The following SHCBP1L variants were observed in gnomAD, a reference collection of about 807,000 sequenced individuals.
The protein encoded by SHCBP1L is testicular spindle-associated protein SHCBP1L.
Under a neutral mutation model 62.5 loss-of-function variants are expected in SHCBP1L, and 67 were observed. The observed-to-expected ratio is 1.07, with a 90% confidence interval of 0.88 to 1.31. The LOEUF (loss-of-function observed/expected upper bound fraction) is 1.31, where lower values mean the gene tolerates loss of function less well. SHCBP1L is among the 40% of genes most tolerant of loss of function. The probability of loss-of-function intolerance (pLI) is 0.00; values close to 1 mark genes in which losing one functional copy is unlikely to be tolerated. For missense variants in SHCBP1L, 823 were observed against 809.8 expected (o/e 1.02, Z -0.20); for synonymous variants, 284 against 289.4 (o/e 0.98, Z 0.19).
intron 2 of SHCBP1L, among the ~76,000 whole-genome samples, chr1:182,949,227 A>G (rs1651668823): frequency 6.6e-6 from 1 of 152,060 alleles, no homozygotes; most frequent in African/African-American, 2.4e-5. Flanking sequence ...TTCTGCTTTA[A>G]TGTTAAGCTT....
intron 6 of SHCBP1L, among the ~76,000 whole-genome samples, chr1:182,913,717 C>T (rs1650264719): frequency 6.6e-6 from 1 of 152,156 alleles, no homozygotes; most frequent in Non-Finnish European, 1.5e-5. Flanking sequence ...CACAGTGGCT[C>T]ACACCTGTAA....
intron 2 of SHCBP1L, among the ~76,000 whole-genome samples, chr1:182,941,332 A>G (rs931590932): frequency 6.6e-6 from 1 of 151,202 alleles, no homozygotes; most frequent in Non-Finnish European, 1.5e-5. Flanking sequence ...TTTATTGGTT[A>G]AGGATCAGTT....
chr1:182,946,410 T>A (rs1651566729), intron 2 of SHCBP1L, among the ~76,000 whole-genome samples: 2 of 152,108 alleles, frequency 1.3e-5, no homozygotes, highest in Non-Finnish European at 2.9e-5. Context: ...TTAAGTCTTT[T>A]TTTTTTTTTA....
intron 5 of SHCBP1L, among the ~76,000 whole-genome samples, chr1:182,933,494 C>A (rs1281334170): frequency 6.6e-6 from 1 of 152,130 alleles, no homozygotes; most frequent in Non-Finnish European, 1.5e-5. Context: ...TAGCCTTAAA[C>A]AGGTTGAGGA....
chr1:182,908,907 A>G (rs992256236), intron 6 of SHCBP1L, among the ~76,000 whole-genome samples: 2 of 152,210 alleles, frequency 1.3e-5, no homozygotes, highest in Non-Finnish European at 2.9e-5. Context: ...AATATTTGCC[A>G]TTTTAACGGA....
chr1:182,953,101 C>T lies in SHCBP1L; in HGVS notation c.33G>A (p.Ala11=), dbSNP rs995422152. Residue 11 remains alanine (A), a synonymous_variant, in exon 1 of 10, where the codon GCG becomes GCA. Coordinates refer to ENST00000367547, the MANE Select transcript of SHCBP1L (RefSeq NM_030933.4). ...CCGGGCTGATGGTGCGGAATGAGTC[C>T]GCGGGCACCGAGGCCTTGGAGCCCG... MASGSKASVP[A]DSFRTISPDR... The T allele has an allele frequency of 3.2e-6, 5 of 1,572,042 alleles. No individual in the cohort carries two copies. Among genetic ancestry groups the T allele is most frequent in the East Asian group, 4.6e-5 (2 of 43,548 alleles).
chr1:182,940,282 C>G (rs779108390), intron 3 of SHCBP1L, 47 bp downstream of exon 3: 2 of 1,516,318 alleles, frequency 1.3e-6, no homozygotes, highest in South Asian at 2.4e-5. Flanking sequence ...TTCACATTAA[C>G]TTTTGGATAT....
intron 6 of SHCBP1L, among the ~76,000 whole-genome samples, chr1:182,908,180 C>T (rs1229122755): frequency 7.2e-6 from 1 of 139,452 alleles, no homozygotes; most frequent in Admixed American, 7.9e-5. Context: ...TATGGGGGTG[C>T]ATGTGCAGGG....
At chr1:182,912,805 G>A (rs1650231391) in intron 6 of SHCBP1L, among the ~76,000 whole-genome samples, 1 of 151,640 alleles carries the variant, frequency 6.6e-6, no homozygotes, top group Non-Finnish European at 1.5e-5. Flanking sequence ...TTACAGGCAT[G>A]AGCCACTGTG....
At position 182,936,135 on chromosome 1, in the gene SHCBP1L, T is replaced by G. The variant is rs1295235229; in HGVS notation, c.1076+3041A>C. On this transcript the variant is annotated intron_variant, in intron 5 of 9. Transcript: ENST00000367547. ...TGGTTGCTTTTTTGTTTTTTGTTTT[T>G]TTTTTTTTTTTTTTTTTTGAGACAG... Among the ~76,000 whole-genome samples the G allele has an allele frequency of 4.7e-3, 652 of 138,420 alleles. 6 individuals carry two copies. The highest frequency in any genetic ancestry group is 6.5e-3 in the Non-Finnish European group (414 of 63,972). The allele number at this position is 138,420 out of a possible 152,430, so 90.8% of individuals were successfully genotyped here.
At chr1:182,922,309 C>T (rs1458406173) in intron 6 of SHCBP1L, among the ~76,000 whole-genome samples, 1 of 152,086 alleles carries the variant, frequency 6.6e-6, no homozygotes, top group East Asian at 1.9e-4. Context: ...TAACAGACAT[C>T]TACAGATCGC....
Position 182,939,179 on chromosome 1 carries a change from A to G in SHCBP1L, c.1073T>C (p.Leu358Pro), listed in dbSNP as rs1261391291. The G allele has an allele frequency of 1.9e-6, 3 of 1,604,154 alleles. No homozygotes were observed. In the Admixed American group the frequency reaches 5.2e-5, roughly 28 times the overall value. The stretch of plus-strand genomic sequence containing the variant: ...TTGAAATAGAGCAAATTATTACCGG[A>G]GGCGTAAATCTTCCCACATTTTCAG... ...GLLKMWEDLR[L>P]RVHGPFFPRI... The change falls in exon 5 of 10, where the codon CTC (leucine) becomes CCC (proline). Residue 358 changes from leucine to proline, a missense_variant. By Grantham distance (98) the Leu-to-Pro change is moderately conservative. Transcript: ENST00000367547.
intron 5 of SHCBP1L, among the ~76,000 whole-genome samples, chr1:182,934,609 A>G (rs1005770494): frequency 6.6e-6 from 1 of 152,066 alleles, no homozygotes; most frequent in Admixed American, 6.6e-5. Flanking sequence ...TTATGCAAAT[A>G]TTTTCTCCTA....
chr1:182,943,741 C>T (rs1651456307), intron 2 of SHCBP1L, among the ~76,000 whole-genome samples: 1 of 151,890 alleles, frequency 6.6e-6, no homozygotes. Context: ...AGCCACTGCA[C>T]CTGGCCTGGC....
Position 182,939,505 on chromosome 1 carries a change from A to C in SHCBP1L, c.819T>G (p.Cys273Trp), listed in dbSNP as rs1306011471. The change falls in exon 4 of 10, where the codon TGT becomes TGG. Residue 273 changes from cysteine to tryptophan, a missense_variant. Transcript: ENST00000367547. ...LWRDWDDEESCENYTALIEER... is the reference protein window; with the variant it reads ...LWRDWDDEESWENYTALIEER... ...CTTCAATAAGTGCAGTATAATTCTC[A>C]CAACTTTCTTCATCATCCCAGTCTC... 1 of 1,609,166 alleles carries C rather than the reference A, an allele frequency of 6.2e-7. No homozygotes were observed. The highest frequency in any genetic ancestry group is 8.5e-7 in the Non-Finnish European group (1 of 1,177,918).
chr1:182,940,622 C>T, intron 2 of SHCBP1L, 79 bp from the exon 3 acceptor site: 3 of 1,179,700 alleles, frequency 2.5e-6, no homozygotes, highest in Non-Finnish European at 3.5e-6. Context: ...CATATATGAG[C>T]TCATTATAAA....
At position 182,900,050 on chromosome 1, in the gene SHCBP1L, T is replaced by C; in HGVS notation, c.1895A>G (p.Asn632Ser). Residue 632 changes from asparagine to serine, a missense_variant, in exon 10 of 10, where the codon AAT (asparagine) becomes AGT (serine). Transcript: ENST00000367547. ...TATCTTATTATTATTCATTTCCAGA[T>C]TCAGATTTTGCATTACTTTGAAGAG... The part of the protein sequence containing the change: ...KMLFKVMQNL[N>S]LEMNNNKIEA... 1 of 1,613,344 alleles carries C rather than the reference T, an allele frequency of 6.2e-7. No individual in the cohort carries two copies. The highest frequency in any genetic ancestry group is 8.5e-7 in the Non-Finnish European group (1 of 1,179,594).
At chr1:182,904,530 T>C (rs1350181383) in intron 7 of SHCBP1L, 100 bp from the exon 8 acceptor site, 11 of 1,132,680 alleles carry the variant, frequency 9.7e-6, no homozygotes, top group East Asian at 5.1e-5. Flanking sequence ...TTTTTCCCTG[T>C]GTGCGTGTGT....
chr1:182,904,792 T>C (rs1649962201), intron 7 of SHCBP1L, among the ~76,000 whole-genome samples: 1 of 152,084 alleles, frequency 6.6e-6, no homozygotes, highest in African/African-American at 2.4e-5. Context: ...GTCTTGCTCT[T>C]TCACCCAGGC....
Sources: gnomAD v4.1 joint callset for allele counts (sites outside exome capture counted in the v4.1 genomes callset) on GRCh38, gnomAD v4.1.1 for gene constraint, MANE v1.5 for transcripts, NCBI Gene and HGNC (gene_info 2026-07-23, HGNC 2026-07-21) for gene names.